The following CDKL5 variants were observed in gnomAD, a reference collection of about 807,000 sequenced individuals.
CDKL5 encodes the protein cyclin-dependent kinase-like 5.
A neutral mutation model predicts 61.7 loss-of-function variants in CDKL5; 8 were observed. The observed-to-expected ratio is 0.13, with a 90% CI of 0.08 to 0.23. The LOEUF (loss-of-function observed/expected upper bound fraction) is 0.23. Among genes scored for constraint, CDKL5 ranks in the 10% least tolerant of loss-of-function variants. The pLI, the probability that CDKL5 is intolerant of heterozygous loss-of-function variation, is 1.00. For synonymous variants in CDKL5, 275 were observed against 272.3 expected (o/e 1.01, Z -0.10); for missense variants, 440 against 734.5 (o/e 0.60, Z 4.63).
intron 1 of CDKL5, among the ~76,000 whole-genome samples, chrX:18,428,020 CTGAT>C (rs959821451): frequency 8.9e-6 from 1 of 111,833 alleles, no homozygotes; most frequent in African/African-American, 3.3e-5. Context: ...AGAAGGTTGA[CTGAT>C]TGCGAATCAG....
At chrX:18,566,336 G>T (rs1002999198) in intron 4 of CDKL5, among the ~76,000 whole-genome samples, 1 of 111,802 alleles carries the variant, frequency 8.9e-6, no homozygotes, top group African/African-American at 3.3e-5. Flanking sequence ...TATTTTATTT[G>T]TAGAGACAGG....
chrX:18,625,003 T>G (rs1406082773), intron 16 of CDKL5, 125 bp from the exon 17 acceptor site: 4 of 618,391 alleles, frequency 6.5e-6, no homozygotes, highest in Non-Finnish European at 8.2e-6. Flanking sequence ...GGTTCTATTT[T>G]TACTGGGTTA....
rs1195931109 is a variant in CDKL5 at position 18,518,385 on chromosome X, C to CTTTTTTTTTT, written c.99+7533_99+7534insTTTTTTTTTT. On this transcript the variant is annotated intron_variant, in intron 3 of 17. Transcript: ENST00000623535. ...ATAAAGTCATGTTTTCTTTTCTTTT[C>CTTTTTTTTTT]TTATTTTTTTTTTTTTTTTTTTTTT... Among the ~76,000 whole-genome samples the CTTTTTTTTTT allele has an allele frequency of 2.9e-3, 67 of 22,769 alleles. 7 individuals carry two copies. The highest frequency in any genetic ancestry group is 7.6e-3 in the African/African-American group (50 of 6,578). 19.8% of individuals were successfully genotyped at this position (22,769 alleles called of 115,157 possible).
At chrX:18,646,009 G>C (rs369009993) in exon 20 of CDKL5, 2 of 1,209,542 alleles carry the variant, frequency 1.7e-6, no homozygotes, top group Non-Finnish European at 2.2e-6. Flanking sequence ...CTAACTAGAC[G>C]GTGGATGTGA....
chrX:18,467,613 C>T (rs1920973602), intron 1 of CDKL5, among the ~76,000 whole-genome samples: 1 of 111,754 alleles, frequency 8.9e-6, no homozygotes, highest in Non-Finnish European at 1.9e-5. Flanking sequence ...TGTCCTGTAG[C>T]ATTTTCATGC....
chrX:18,611,366 C>T (rs576388275), intron 14 of CDKL5, among the ~76,000 whole-genome samples: 6 of 105,797 alleles, frequency 5.7e-5, no homozygotes, highest in Admixed American at 5.2e-4. Flanking sequence ...ACCCGGGAGG[C>T]GGAGCTTGCA....
intron 3 of CDKL5, among the ~76,000 whole-genome samples, chrX:18,557,706 A>G (rs1177715075): frequency 8.9e-6 from 1 of 112,384 alleles, no homozygotes; most frequent in Non-Finnish European, 1.9e-5. Context: ...AAAATGACTT[A>G]GTAAATTGTA....
intron 1 of CDKL5, among the ~76,000 whole-genome samples, chrX:18,459,594 C>T (rs916214697): frequency 2.8e-5 from 3 of 108,225 alleles, no homozygotes; most frequent in Non-Finnish European, 5.7e-5. Context: ...GTACCTGAGA[C>T]TGGGTAATTT....
intron 15 of CDKL5, among the ~76,000 whole-genome samples, chrX:18,616,789 CTCTT>C (rs1414510432): frequency 1.8e-5 from 2 of 111,746 alleles, no homozygotes; most frequent in South Asian, 3.7e-4. Flanking sequence ...CACTGACTCT[CTCTT>C]CTCACACATT....
At position 18,619,861 on chromosome X, in the gene CDKL5, A is replaced by G. The variant is rs1260458002; in HGVS notation, c.2277-6A>G. ...ATCAATATGATAAAAATGTCTTCTC[A>G]TTTAGGAAAAGTCCTGAAAATATTA... On this transcript the variant is annotated splice_region_variant and splice_polypyrimidine_tract_variant and intron_variant, in intron 15 of 17. Transcript: ENST00000623535. 3 of 1,123,786 alleles carry G rather than the reference A, an allele frequency of 2.7e-6. No homozygotes were observed. Among genetic ancestry groups the G allele is most frequent in the Non-Finnish European group, 3.7e-6 (3 of 817,809 alleles). The allele number at this position is 1,123,786 out of a possible 1,213,427, so 92.6% of individuals were successfully genotyped here.
intron 12 of CDKL5, among the ~76,000 whole-genome samples, chrX:18,606,176 A>T (rs1307644528): frequency 9.0e-5 from 7 of 78,052 alleles, no homozygotes; most frequent in Admixed American, 3.1e-4. Context: ...CAAGACTGTC[A>T]CACACACACA....
chrX:18,509,199 A>ACGCGCGCGCGCGCGCGCGCG (rs1351945385), intron 2 of CDKL5, among the ~76,000 whole-genome samples: 1 of 44,925 alleles, frequency 2.2e-5, no homozygotes, highest in East Asian at 7.7e-4. Context: ...CAAAACACGC[A>ACGCGCGCGCGCGCGCGCGCG]CACACACACA....
At chrX:18,449,701 A>C (rs1931963082) in intron 1 of CDKL5, among the ~76,000 whole-genome samples, 1 of 112,476 alleles carries the variant, frequency 8.9e-6, no homozygotes, top group Admixed American at 9.5e-5. Flanking sequence ...AAGATTGAAC[A>C]TTTATAAGAT....
At chrX:18,460,865 G>T (rs1363437799) in intron 1 of CDKL5, among the ~76,000 whole-genome samples, 1 of 111,806 alleles carries the variant, frequency 8.9e-6, no homozygotes, top group African/African-American at 3.3e-5. Context: ...AATGCTGTGG[G>T]TTGGCAGGAG....
At chrX:18,617,727 G>A (rs1403766084) in intron 15 of CDKL5, among the ~76,000 whole-genome samples, 1 of 111,787 alleles carries the variant, frequency 8.9e-6, no homozygotes, top group Non-Finnish European at 1.9e-5. Flanking sequence ...GCAAACACAC[G>A]CTTCGCTCCT....
chrX:18,450,388 T>C (rs926767538), intron 1 of CDKL5, among the ~76,000 whole-genome samples: 3 of 111,893 alleles, frequency 2.7e-5, no homozygotes, highest in Admixed American at 1.9e-4. Context: ...GTTCCTGTTA[T>C]TCATTCTTTC....
chrX:18,451,251 G>T (rs1033964214), intron 1 of CDKL5, among the ~76,000 whole-genome samples: 1 of 111,524 alleles, frequency 9.0e-6, no homozygotes, highest in African/African-American at 3.3e-5. Flanking sequence ...GAGTGCAATG[G>T]CATGATCTCG....
At chrX:18,560,108 C>T (rs1408025775) in intron 3 of CDKL5, among the ~76,000 whole-genome samples, 1 of 110,505 alleles carries the variant, frequency 9.0e-6, no homozygotes, top group African/African-American at 3.3e-5. Flanking sequence ...GTGCATGTGT[C>T]TTTATAGCAG....
intron 1 of CDKL5, among the ~76,000 whole-genome samples, chrX:18,452,663 T>C (rs1330042878): frequency 1.8e-5 from 2 of 109,715 alleles, no homozygotes; most frequent in African/African-American, 6.6e-5. Flanking sequence ...TCTGTGTTTC[T>C]CCTCAAGTGT....
Sources: gnomAD v4.1 joint callset for allele counts (sites outside exome capture counted in the v4.1 genomes callset) on GRCh38, gnomAD v4.1.1 for gene constraint, MANE v1.5 for transcripts, NCBI Gene and HGNC (gene_info 2026-07-23, HGNC 2026-07-21) for gene names.